The following ATP8A2 variants were observed in gnomAD, a reference collection of about 807,000 sequenced individuals.
The protein encoded by ATP8A2 is ATPase phospholipid transporting 8A2.
Under a neutral mutation model 165.6 loss-of-function variants are expected in ATP8A2, and 100 were observed. That is an observed-to-expected ratio of 0.60 (90% CI 0.51 to 0.71). The LOEUF (loss-of-function observed/expected upper bound fraction) is 0.71. Ranked by LOEUF, ATP8A2 falls within the 30% of genes least tolerant of loss-of-function variation. ATP8A2 has a pLI of 0.00. For synonymous variants in ATP8A2, 543 were observed against 548.8 expected, an observed-to-expected ratio of 0.99 and a Z score of 0.15; for missense variants, 1,227 against 1,479.5, an observed-to-expected ratio of 0.83 and a Z score of 2.80.
At chr13:25,424,778 T>C (rs1345489508) in intron 1 of ATP8A2, among the ~76,000 whole-genome samples, 1 of 152,026 alleles carries the variant, frequency 6.6e-6, no homozygotes, top group East Asian at 1.9e-4. Flanking sequence ...GCCAACATGG[T>C]AAAACCCCGT....
intron 13 of ATP8A2, among the ~76,000 whole-genome samples, chr13:25,557,215 A>G (rs1020269478): frequency 6.6e-6 from 1 of 152,222 alleles, no homozygotes; most frequent in South Asian, 2.1e-4. Flanking sequence ...AATTCTTAGT[A>G]TAACAGGATG....
chr13:25,404,179 G>T (rs568280712), intron 1 of ATP8A2, among the ~76,000 whole-genome samples: 3 of 152,288 alleles, frequency 2.0e-5, no homozygotes, highest in South Asian at 4.1e-4. Flanking sequence ...GCCAGAGCAG[G>T]CTTCCTGAGG....
intron 27 of ATP8A2, among the ~76,000 whole-genome samples, chr13:25,820,115 G>T (rs540259626): frequency 6.6e-6 from 1 of 152,310 alleles, no homozygotes; most frequent in Admixed American, 6.5e-5. Context: ...GAGAGTGGCG[G>T]CAGGTACAAC....
At chr13:25,748,995 T>C (rs749833821) in intron 25 of ATP8A2, among the ~76,000 whole-genome samples, 6 of 152,218 alleles carry the variant, frequency 3.9e-5, no homozygotes, top group African/African-American at 7.2e-5. Flanking sequence ...AAAGGTGAAA[T>C]GTGTATCTTC....
intron 33 of ATP8A2, among the ~76,000 whole-genome samples, chr13:25,887,115 A>G (rs1953182944): frequency 6.6e-6 from 1 of 152,134 alleles, no homozygotes; most frequent in Non-Finnish European, 1.5e-5. Context: ...GGTGGAACAG[A>G]GGATGAGTAA....
chr13:25,526,201 T>G (rs2037835839), intron 2 of ATP8A2, among the ~76,000 whole-genome samples: 1 of 152,064 alleles, frequency 6.6e-6, no homozygotes, highest in South Asian at 2.1e-4. Flanking sequence ...TTGAGTTGCT[T>G]TTCTGTGTTA....
chr13:25,469,806 A>G (rs1253035437), intron 2 of ATP8A2, among the ~76,000 whole-genome samples: 1 of 152,258 alleles, frequency 6.6e-6, no homozygotes, highest in Non-Finnish European at 1.5e-5. Flanking sequence ...AGGGCTGGAA[A>G]TTGAACCCAG....
intron 1 of ATP8A2, among the ~76,000 whole-genome samples, chr13:25,447,000 C>G (rs139894547): frequency 1.3e-5 from 2 of 152,256 alleles, no homozygotes; most frequent in African/African-American, 4.8e-5. Context: ...GGATTACAGG[C>G]ATGAACCACC....
rs773768331 is a variant in ATP8A2 at position 25,577,150 on chromosome 13, A to G, written c.1782+12A>G. The G allele has an allele frequency of 1.6e-5, 25 of 1,612,528 alleles. No homozygotes were observed. Among genetic ancestry groups the G allele is most frequent in the Middle Eastern group, 1.6e-4 (1 of 6,080 alleles). On this transcript the variant is annotated intron_variant, in intron 20 of 36. Transcript: ENST00000381655. ...ACTGTAAAGGGGCTGTAAGTACCGG[A>G]GAAGCGTTGTGCGTAGCGGAGTTCT...
intron 33 of ATP8A2, among the ~76,000 whole-genome samples, chr13:25,888,824 G>A (rs980133437): frequency 8.5e-5 from 13 of 152,112 alleles, no homozygotes; most frequent in African/African-American, 3.1e-4. Flanking sequence ...GCACCATTGC[G>A]CTCCAGCCTG....
chr13:25,383,655 A>G (rs999905395), intron 1 of ATP8A2, among the ~76,000 whole-genome samples: 1 of 152,158 alleles, frequency 6.6e-6, no homozygotes, highest in African/African-American at 2.4e-5. Flanking sequence ...ATTTTTGCTT[A>G]CCTTTTTGAA....
At chr13:25,854,634 C>T (rs1385915709) in intron 30 of ATP8A2, among the ~76,000 whole-genome samples, 2 of 152,150 alleles carry the variant, frequency 1.3e-5, no homozygotes, top group Non-Finnish European at 2.9e-5. Context: ...TCATTTCCAC[C>T]TTCAAAATAT....
At chr13:25,926,778 T>A (rs1017255164) in intron 33 of ATP8A2, among the ~76,000 whole-genome samples, 3 of 152,186 alleles carry the variant, frequency 2.0e-5, no homozygotes, top group Non-Finnish European at 2.9e-5. Context: ...GGCTGGAGGA[T>A]CATGTGAGGC....
chr13:25,794,290 A>G (rs959208955), intron 27 of ATP8A2, among the ~76,000 whole-genome samples: 1 of 152,236 alleles, frequency 6.6e-6, no homozygotes, highest in Non-Finnish European at 1.5e-5. Context: ...TTGACTGAGA[A>G]GTGGATAACT....
At chr13:25,519,830 C>T (rs1246505873) in intron 2 of ATP8A2, among the ~76,000 whole-genome samples, 1 of 152,146 alleles carries the variant, frequency 6.6e-6, no homozygotes, top group East Asian at 1.9e-4. Flanking sequence ...TTGGGAAGTT[C>T]TGTCATTCAC....
Position 25,592,373 on chromosome 13 carries a change from C to A in ATP8A2, c.2211+2674C>A, listed in dbSNP as rs1012955064. 3.9e-5 allele frequency among the ~76,000 whole-genome samples: 6 copies of A among 152,154 alleles called. No homozygotes were observed. The East Asian group carries it at 1.2e-3, about 29-fold the overall frequency. ...CTCAGTAAATGTTTGAATGAATGAA[C>A]AAGCTTAAGATAATTTTCTAGTCAT... On this transcript the variant is annotated intron_variant, in intron 24 of 36. Coordinates refer to ENST00000381655, the MANE Select transcript of ATP8A2 (RefSeq NM_016529.6).
At chr13:26,004,725 G>C (rs1363533469) in intron 35 of ATP8A2, among the ~76,000 whole-genome samples, 1 of 151,810 alleles carries the variant, frequency 6.6e-6, no homozygotes, top group Non-Finnish European at 1.5e-5. Context: ...GGTGTTGATT[G>C]GCTTTTCTGC....
intron 1 of ATP8A2, among the ~76,000 whole-genome samples, chr13:25,444,167 CAT>C (rs1219520590): frequency 6.6e-6 from 1 of 152,166 alleles, no homozygotes; most frequent in African/African-American, 2.4e-5. Flanking sequence ...CTTTGAATGT[CAT>C]ATAAATGGAA....
At chr13:25,838,192 G>A (rs1041238742) in intron 29 of ATP8A2, among the ~76,000 whole-genome samples, 2 of 152,202 alleles carry the variant, frequency 1.3e-5, no homozygotes, top group African/African-American at 2.4e-5. Context: ...CAGTGAGAAG[G>A]ACACAGGGAG....
Sources: allele counts gnomAD v4.1 joint callset (sites outside exome capture counted in the v4.1 genomes callset), GRCh38; gene constraint gnomAD v4.1.1; transcripts MANE v1.5; gene names NCBI Gene and HGNC (gene_info 2026-07-23, HGNC 2026-07-21).